FAM185A: variants seen among roughly 807,000 people sequenced by gnomAD.
FAM185A encodes family with sequence similarity 185 member A.
A neutral mutation model predicts 45.7 loss-of-function variants in FAM185A; 21 were observed. That is an observed-to-expected ratio of 0.46 (90% CI 0.33 to 0.66). FAM185A has a LOEUF of 0.66. Among genes scored for constraint, FAM185A ranks in the 30% least tolerant of loss-of-function variants. FAM185A has a pLI of 0.03. For missense variants in FAM185A, 305 were observed against 485.4 expected (o/e 0.63, Z 3.49); for synonymous variants, 117 against 194.0 (o/e 0.60, Z 3.30).
intron 2 of FAM185A, chr7:102,755,466 G>T (rs1793653792): frequency 1.4e-6 from 1 of 690,590 alleles, no homozygotes; most frequent in African/African-American, 1.8e-5. Flanking sequence ...CAGAGACAAA[G>T]CAAGAGAAGA....
intron 4 of FAM185A, among the ~76,000 whole-genome samples, chr7:102,771,030 A>G (rs1320094375): frequency 1.3e-5 from 2 of 152,200 alleles, no homozygotes; most frequent in African/African-American, 4.8e-5. Flanking sequence ...ATGCGGCCAT[A>G]AAGAAGAATG....
At chr7:102,795,491 A>G (rs1796392884) in intron 7 of FAM185A, among the ~76,000 whole-genome samples, 2 of 152,114 alleles carry the variant, frequency 1.3e-5, no homozygotes, top group South Asian at 2.1e-4. Flanking sequence ...CAGATACAGG[A>G]AACAAACAAG....
chr7:102,798,881 G>A (rs1279859274), intron 7 of FAM185A, among the ~76,000 whole-genome samples: 1 of 151,900 alleles, frequency 6.6e-6, no homozygotes, highest in Admixed American at 6.6e-5. Context: ...CCAAGTAGCT[G>A]GGATTACAGG....
At chr7:102,813,237 C>T (rs1017921540), downstream of FAM185A, 15 of 1,015,610 alleles carry the variant, frequency 1.5e-5, no homozygotes, top group African/African-American at 2.3e-4. Flanking sequence ...TGGTTTGTTG[C>T]TTGTTTACAT....
intron 7 of FAM185A, among the ~76,000 whole-genome samples, chr7:102,806,406 A>G (rs1178556126): frequency 6.6e-6 from 1 of 152,138 alleles, no homozygotes; most frequent in Non-Finnish European, 1.5e-5. Context: ...TCTGGTCCCA[A>G]ACTCCTGACC....
chr7:102,756,752 T>C (rs1793768183), intron 2 of FAM185A, among the ~76,000 whole-genome samples: 1 of 139,206 alleles, frequency 7.2e-6, no homozygotes, highest in African/African-American at 2.8e-5. Context: ...GGTGGGTCTT[T>C]TTCATTCAGT....
At chr7:102,822,077 G>A in the FAM185A span, 373 of 1,614,052 alleles carry the variant, frequency 2.3e-4, no homozygotes, top group Non-Finnish European at 3.0e-4. Context: ...TTAAGGATCC[G>A]GAGTTGTTTG....
chr7:102,785,700 A>C (rs1265130668), intron 6 of FAM185A, among the ~76,000 whole-genome samples: 2 of 152,122 alleles, frequency 1.3e-5, no homozygotes, highest in Non-Finnish European at 2.9e-5. Context: ...TAAAGACTTA[A>C]ACGTTAGACC....
the FAM185A span, among the ~76,000 whole-genome samples, chr7:102,834,294 G>T: frequency 2.0e-5 from 3 of 149,200 alleles, no homozygotes; most frequent in Non-Finnish European, 4.5e-5. Context: ...CTCAGTAAAT[G>T]GTAGTTTACC....
chr7:102,820,327 A>G, the FAM185A span, among the ~76,000 whole-genome samples: 1 of 152,258 alleles, frequency 6.6e-6, no homozygotes, highest in Admixed American at 6.5e-5. Context: ...TTGATTGCAG[A>G]AGACAAAATA....
the FAM185A span, among the ~76,000 whole-genome samples, chr7:102,833,227 T>G: frequency 0.011 from 1,655 of 152,236 alleles, 36 homozygotes; most frequent in African/African-American, 0.038. Flanking sequence ...TGAAGTTAGG[T>G]CTAATGAAGT....
the FAM185A span, among the ~76,000 whole-genome samples, chr7:102,817,025 T>C: frequency 6.6e-6 from 1 of 152,356 alleles, no homozygotes; most frequent in African/African-American, 2.4e-5. Flanking sequence ...GCACTTAGGT[T>C]GATCCCATGA....
chr7:102,837,577 A>G, the FAM185A span, among the ~76,000 whole-genome samples: 1 of 152,166 alleles, frequency 6.6e-6, no homozygotes, highest in Non-Finnish European at 1.5e-5. Context: ...TTTCTTTTTG[A>G]CAGGGTCCTG....
downstream of FAM185A, among the ~76,000 whole-genome samples, chr7:102,810,467 T>A (rs912986994): frequency 6.6e-6 from 1 of 152,042 alleles, no homozygotes; most frequent in African/African-American, 2.4e-5. Context: ...CCTGGCCTCA[T>A]GTGATCTGCC....
chr7:102,759,447 T>C (rs1462740507), intron 3 of FAM185A, among the ~76,000 whole-genome samples: 1 of 152,104 alleles, frequency 6.6e-6, no homozygotes. Flanking sequence ...CTATTTTTAT[T>C]ACATATAGTA....
At chr7:102,751,451 T>C (rs1304769597) in intron 1 of FAM185A, among the ~76,000 whole-genome samples, 1 of 151,978 alleles carries the variant, frequency 6.6e-6, no homozygotes, top group African/African-American at 2.4e-5. Context: ...TTCCCATCTA[T>C]GTTAGTTCTC....
chr7:102,813,750 G>C (rs1337435459), downstream of FAM185A, among the ~76,000 whole-genome samples: 14 of 152,172 alleles, frequency 9.2e-5, no homozygotes, highest in Admixed American at 9.2e-4. Flanking sequence ...GAAATTAACA[G>C]ATACAGTGAA....
At chr7:102,827,666 T>C in the FAM185A span, among the ~76,000 whole-genome samples, 1 of 152,120 alleles carries the variant, frequency 6.6e-6, no homozygotes, top group Non-Finnish European at 1.5e-5. Context: ...CGTAATGCTA[T>C]TCCTCCCCCC....
At chr7:102,791,117 G>A (rs1165914294) in intron 7 of FAM185A, among the ~76,000 whole-genome samples, 1 of 152,128 alleles carries the variant, frequency 6.6e-6, no homozygotes, top group Non-Finnish European at 1.5e-5. Context: ...AAAGTAGGCT[G>A]GAGAGTTTGG....
Sources: gnomAD v4.1 joint callset for allele counts (sites outside exome capture counted in the v4.1 genomes callset) on GRCh38, gnomAD v4.1.1 for gene constraint, MANE v1.5 for transcripts, NCBI Gene and HGNC (gene_info 2026-07-23, HGNC 2026-07-21) for gene names.